Variants in CACNA2D3 observed in about 807,000 individuals in gnomAD.
The protein encoded by CACNA2D3 is voltage-dependent calcium channel subunit alpha-2/delta-3.
Under a neutral mutation model 160.6 loss-of-function variants are expected in CACNA2D3, and 60 were observed. The observed-to-expected ratio is 0.37, with a 90% CI of 0.30 to 0.46. The LOEUF (loss-of-function observed/expected upper bound fraction) is 0.46, where lower values mean the gene tolerates loss of function less well. Among genes scored for constraint, CACNA2D3 ranks in the 20% least tolerant of loss-of-function variants. The probability of loss-of-function intolerance (pLI) is 1.00; values close to 1 mark genes in which losing one functional copy is unlikely to be tolerated. For synonymous variants in CACNA2D3, 558 were observed against 492.9 expected (o/e 1.13, Z -1.75); for missense variants, 1,205 against 1,365.0 (o/e 0.88, Z 1.85).
chr3:54,697,587 T>G (rs1700687785), intron 11 of CACNA2D3, among the ~76,000 whole-genome samples: 2 of 152,330 alleles, frequency 1.3e-5, no homozygotes, highest in African/African-American at 4.8e-5. Flanking sequence ...CTCTCCTGTT[T>G]CTTCTTTCCC....
At chr3:54,459,608 C>G (rs1285941728) in intron 4 of CACNA2D3, among the ~76,000 whole-genome samples, 10 of 151,248 alleles carry the variant, frequency 6.6e-5, no homozygotes, top group Non-Finnish European at 1.3e-4. Context: ...CGCCCACTTT[C>G]TGATGGGGTT....
rs1330023051 is a variant in CACNA2D3, at chr3:54,984,656, G to A, written c.2605G>A (p.Glu869Lys). Reference sequence around the variant, plus strand: ...CAATAATGGATTTATTTTGGTGTCTGAAGACTACACACAGGTGAGTGAAAA... The same window carrying A: ...CAATAATGGATTTATTTTGGTGTCTAAAGACTACACACAGGTGAGTGAAAA... Reference protein sequence around the residue: ...IDNNGFILVSEDYTQTGDFFG... With the variant: ...IDNNGFILVSKDYTQTGDFFG... The change falls in exon 30 of 38, where the codon GAA becomes AAA. Residue 869 changes from glutamate to lysine, a missense_variant. Coordinates refer to ENST00000474759, the MANE Select transcript of CACNA2D3 (RefSeq NM_018398.3). The A allele has an allele frequency of 1.3e-6, 2 of 1,563,052 alleles. No homozygotes were observed. Among genetic ancestry groups the A allele is most frequent in the East Asian group, 2.3e-5 (1 of 43,200 alleles).
intron 5 of CACNA2D3, among the ~76,000 whole-genome samples, chr3:54,529,464 A>G (rs1701774194): frequency 6.6e-6 from 1 of 152,182 alleles, no homozygotes; most frequent in Non-Finnish European, 1.5e-5. Flanking sequence ...GAAGCCCCCA[A>G]AGACCTGGAT....
intron 13 of CACNA2D3, among the ~76,000 whole-genome samples, chr3:54,812,783 G>C (rs141123602): frequency 2.6e-5 from 4 of 152,260 alleles, no homozygotes; most frequent in Non-Finnish European, 5.9e-5. Context: ...CTTTCAACAG[G>C]AACATTTCCT....
intron 35 of CACNA2D3, among the ~76,000 whole-genome samples, chr3:55,032,145 C>T (rs1046587668): frequency 6.6e-6 from 1 of 152,102 alleles, no homozygotes; most frequent in African/African-American, 2.4e-5. Flanking sequence ...ACTTGAGGCT[C>T]AGAGGAGTAA....
chr3:54,476,111 T>A (rs1229040080), intron 4 of CACNA2D3, among the ~76,000 whole-genome samples: 1 of 150,056 alleles, frequency 6.7e-6, no homozygotes, highest in East Asian at 2.0e-4. Flanking sequence ...TTTCTGTGCC[T>A]GGCTTGTGAA....
At chr3:54,286,418 A>T (rs979103927) in intron 2 of CACNA2D3, among the ~76,000 whole-genome samples, 8 of 152,242 alleles carry the variant, frequency 5.3e-5, no homozygotes, top group African/African-American at 1.9e-4. Flanking sequence ...TCCAAGAAAT[A>T]TGGAACTATG....
At chr3:54,782,015 T>C (rs9856390) in intron 13 of CACNA2D3, among the ~76,000 whole-genome samples, 5,914 of 152,328 alleles carry the variant, frequency 0.039, 357 homozygotes, top group African/African-American at 0.13. Context: ...GCAAGGCTCC[T>C]GCAGCATATT....
In CACNA2D3 at chr3:54,305,305, A is replaced by C. The variant is rs542349551; in HGVS notation, c.205-15137A>C. ...TAACCTAGTGGTACATAGGGAAAAA[A>C]TTATAGTTCCCATTAATTCTACCCT... On this transcript the variant is annotated intron_variant, in intron 2 of 37. Transcript: ENST00000474759. Among the ~76,000 whole-genome samples the C allele has an allele frequency of 2.0e-5, 3 of 152,320 alleles. No individual in the cohort carries two copies. In the East Asian group the frequency reaches 5.8e-4, roughly 29 times the overall value.
chr3:54,229,253 G>A (rs1025296818), intron 2 of CACNA2D3, among the ~76,000 whole-genome samples: 13 of 151,590 alleles, frequency 8.6e-5, no homozygotes, highest in Admixed American at 7.9e-4. Context: ...ATGCAGTGGC[G>A]CTATCTTGGC....
chr3:54,752,989 T>A (rs892035924), intron 12 of CACNA2D3, among the ~76,000 whole-genome samples: 1 of 151,890 alleles, frequency 6.6e-6, no homozygotes, highest in African/African-American at 2.4e-5. Context: ...GCCTCCCGAG[T>A]AGCTGAGATT....
intron 2 of CACNA2D3, among the ~76,000 whole-genome samples, chr3:54,308,294 G>T (rs1417306478): frequency 6.6e-6 from 1 of 152,154 alleles, no homozygotes; most frequent in Non-Finnish European, 1.5e-5. Context: ...CTCAGCCATG[G>T]GTTCCATTCC....
At chr3:54,459,246 C>T (rs1575466617) in intron 4 of CACNA2D3, among the ~76,000 whole-genome samples, 1 of 151,498 alleles carries the variant, frequency 6.6e-6, no homozygotes, top group South Asian at 2.1e-4. Flanking sequence ...GTGCATGTGT[C>T]TTTATAGCAG....
intron 13 of CACNA2D3, among the ~76,000 whole-genome samples, chr3:54,814,173 A>G (rs969324089): frequency 6.6e-6 from 1 of 152,234 alleles, no homozygotes; most frequent in Non-Finnish European, 1.5e-5. Context: ...CTGGCTGGTC[A>G]TAAAATTCTT....
chr3:54,918,261 T>A (rs1700711773), intron 27 of CACNA2D3: 3 of 584,156 alleles, frequency 5.1e-6, no homozygotes, highest in Non-Finnish European at 8.9e-6. Context: ...TTATTTTACC[T>A]ATAGTATTTT....
intron 2 of CACNA2D3, among the ~76,000 whole-genome samples, chr3:54,291,540 T>TC (rs1703205013): frequency 6.6e-6 from 1 of 152,236 alleles, no homozygotes; most frequent in Non-Finnish European, 1.5e-5. Context: ...GAGCCTGTAA[T>TC]CTTTTTTTTA....
intron 4 of CACNA2D3, among the ~76,000 whole-genome samples, chr3:54,427,286 G>C (rs1386705587): frequency 1.3e-5 from 2 of 152,104 alleles, no homozygotes; most frequent in Admixed American, 6.5e-5. Flanking sequence ...ACAGAGAGCA[G>C]TATTTAAATT....
chr3:54,292,386 A>G (rs1256895068), intron 2 of CACNA2D3, among the ~76,000 whole-genome samples: 3 of 152,202 alleles, frequency 2.0e-5, no homozygotes, highest in African/African-American at 7.2e-5. Flanking sequence ...AAGAAAGTGA[A>G]AGGTAACCTA....
chr3:54,654,562 C>T (rs1433437541), intron 11 of CACNA2D3, among the ~76,000 whole-genome samples: 1 of 151,982 alleles, frequency 6.6e-6, no homozygotes, highest in African/African-American at 2.4e-5. Context: ...GGAGGAGGGG[C>T]AGAGGAAAGA....
Sources: allele counts gnomAD v4.1 joint callset (sites outside exome capture counted in the v4.1 genomes callset), GRCh38; gene constraint gnomAD v4.1.1; transcripts MANE v1.5; gene names NCBI Gene and HGNC (gene_info 2026-07-23, HGNC 2026-07-21).